Variants in ANKS1B observed in about 807,000 individuals in gnomAD.
ANKS1B encodes ankyrin repeat and sterile alpha motif domain containing 1B.
ANKS1B carries 36 observed loss-of-function variants against 148.3 expected under a neutral mutation model. That is an observed-to-expected ratio of 0.24 (90% CI 0.19 to 0.32). The LOEUF (loss-of-function observed/expected upper bound fraction) is 0.32, where lower values mean the gene tolerates loss of function less well. Among genes scored for constraint, ANKS1B ranks in the 10% least tolerant of loss-of-function variants. The pLI, the probability that ANKS1B is intolerant of heterozygous loss-of-function variation, is 1.00. For missense variants in ANKS1B, 1,157 were observed against 1,542.6 expected, an observed-to-expected ratio of 0.75 and a Z score of 4.19; for synonymous variants, 542 against 560.8, an observed-to-expected ratio of 0.97 and a Z score of 0.47.
intron 17 of ANKS1B, among the ~76,000 whole-genome samples, chr12:98,922,606 C>T (rs1300940909): frequency 2.0e-5 from 3 of 152,150 alleles, no homozygotes; most frequent in African/African-American, 7.2e-5. Context: ...TCAAGCGATT[C>T]TCCTGCCTCA....
rs565563558 is a variant in ANKS1B at position 99,977,475 on chromosome 12, A to G, written c.134+6629T>C. On this transcript the variant is annotated intron_variant, in intron 1 of 26. Transcript: ENST00000683438. ...GATCCCATCTCTTCATACTGTCACA[A>G]TGACAAATAAATTTCAACATGAGTT... is the stretch of plus-strand genomic sequence containing the variant. Among the ~76,000 whole-genome samples, 15 of 152,334 alleles carry G rather than the reference A, an allele frequency of 9.8e-5. No homozygotes were observed. In the South Asian group the frequency reaches 2.7e-3, roughly 27 times the overall value.
chr12:99,953,594 A>G (rs2095265439), intron 1 of ANKS1B, among the ~76,000 whole-genome samples: 1 of 96,152 alleles, frequency 1.0e-5, no homozygotes, highest in African/African-American at 3.1e-5. Flanking sequence ...TTGTTTAAGG[A>G]AAAAAAAAAA....
chr12:99,476,395 A>C (rs553649335), intron 10 of ANKS1B, among the ~76,000 whole-genome samples: 374 of 152,308 alleles, frequency 2.5e-3, no homozygotes, highest in Non-Finnish European at 3.9e-3. Flanking sequence ...TGTCTCAAAA[A>C]TAAAATAATA....
Position 99,642,499 on chromosome 12 carries a change from G to A in ANKS1B, c.1272+12568C>T, listed in dbSNP as rs185896002. Among the ~76,000 whole-genome samples, 8 of 152,288 alleles carry A rather than the reference G, an allele frequency of 5.3e-5. No individual in the cohort carries two copies. In the East Asian group the frequency reaches 1.4e-3, roughly 26 times the overall value. ...CAGGGCTAAAATTAAGGTGTTAGCA[G>A]GGCTGGTTACTTCTGGAGGCTCTAA... is the stretch of plus-strand genomic sequence containing the variant. On this transcript the variant is annotated intron_variant, in intron 9 of 26. Transcript: ENST00000683438.
intron 17 of ANKS1B, among the ~76,000 whole-genome samples, chr12:98,866,280 C>A (rs1034207790): frequency 6.6e-6 from 1 of 152,234 alleles, no homozygotes; most frequent in East Asian, 1.9e-4. Context: ...GAATCTCCAA[C>A]TGTCCATCTC....
At chr12:99,576,535 T>C (rs988077030) in intron 9 of ANKS1B, among the ~76,000 whole-genome samples, 1 of 152,012 alleles carries the variant, frequency 6.6e-6, no homozygotes, top group Non-Finnish European at 1.5e-5. Context: ...CCAATCACAC[T>C]CTTGGACCAC....
chr12:99,443,862 A>T, intron 10 of ANKS1B, 53 bp from the exon 11 acceptor site: 1 of 1,536,712 alleles, frequency 6.5e-7, no homozygotes, highest in Admixed American at 2.2e-5. Context: ...TTACCTTTTA[A>T]GACTTGAAAT....
intron 8 of ANKS1B, among the ~76,000 whole-genome samples, chr12:99,660,303 A>G (rs1485794792): frequency 6.6e-6 from 1 of 151,888 alleles, no homozygotes; most frequent in East Asian, 1.9e-4. Context: ...CGATAAATTC[A>G]TAAATGAGAA....
At chr12:99,830,464 T>G (rs1392951880) in intron 1 of ANKS1B, among the ~76,000 whole-genome samples, 1 of 151,750 alleles carries the variant, frequency 6.6e-6, no homozygotes, top group East Asian at 1.9e-4. Flanking sequence ...GGAAAAAAAA[T>G]TGTGAAACAA....
At chr12:99,897,379 T>C (rs1391572191) in intron 1 of ANKS1B, among the ~76,000 whole-genome samples, 2 of 151,238 alleles carry the variant, frequency 1.3e-5, no homozygotes, top group African/African-American at 4.8e-5. Context: ...TGTGTATCTC[T>C]CAAATGCATC....
At chr12:99,475,718 A>G (rs920966997) in intron 10 of ANKS1B, among the ~76,000 whole-genome samples, 2 of 151,920 alleles carry the variant, frequency 1.3e-5, no homozygotes, top group Non-Finnish European at 2.9e-5. Context: ...TAGTTAAAAA[A>G]AGAATGCCTG....
chr12:99,442,184 T>C (rs1369285416), intron 11 of ANKS1B, among the ~76,000 whole-genome samples: 1 of 151,754 alleles, frequency 6.6e-6, no homozygotes, highest in Non-Finnish European at 1.5e-5. Context: ...CCCCATCAAA[T>C]TTCCTTGAAA....
intron 17 of ANKS1B, among the ~76,000 whole-genome samples, chr12:98,880,955 T>C (rs540131175): frequency 6.6e-6 from 1 of 152,254 alleles, no homozygotes; most frequent in Non-Finnish European, 1.5e-5. Flanking sequence ...AAAAAAAATT[T>C]TGAATGGCAA....
At chr12:99,284,753 A>G (rs1166047831) in intron 12 of ANKS1B, among the ~76,000 whole-genome samples, 1 of 152,154 alleles carries the variant, frequency 6.6e-6, no homozygotes, top group African/African-American at 2.4e-5. Flanking sequence ...ATGGCTCCCT[A>G]TAGTACTTGG....
At position 98,781,346 on chromosome 12, in the gene ANKS1B, G is replaced by C. The variant is rs188758677; in HGVS notation, c.3355-143C>G. On this transcript the variant is annotated intron_variant, in intron 23 of 26. Transcript: ENST00000683438. The stretch of plus-strand genomic sequence containing the variant: ...CACACACACACACACACACACATCA[G>C]ATACACACCACGCACACTCTAATTT... 2.6e-4 allele frequency: 181 copies of C among 683,162 alleles called. 1 individual carries two copies. In the African/African-American group the frequency reaches 2.8e-3, roughly 11 times the overall value. The allele number at this position is 683,162 out of a possible 1,614,324, so 42.3% of individuals were successfully genotyped here. A position where few individuals can be genotyped will look rare whatever the true frequency, so the allele number is the denominator to read the frequency against.
chr12:99,510,234 GATTA>G (rs2096751120), intron 9 of ANKS1B, among the ~76,000 whole-genome samples: 1 of 151,934 alleles, frequency 6.6e-6, no homozygotes, highest in Admixed American at 6.6e-5. Flanking sequence ...ATAGATCAAG[GATTA>G]ATTTAGAGTC....
intron 8 of ANKS1B, among the ~76,000 whole-genome samples, chr12:99,670,918 G>A (rs545752769): frequency 6.6e-6 from 1 of 152,070 alleles, no homozygotes; most frequent in African/African-American, 2.4e-5. Context: ...AATAAATCAG[G>A]GCTCTATTAT....
chr12:98,959,570 G>C (rs926226670), intron 17 of ANKS1B, among the ~76,000 whole-genome samples: 1 of 152,158 alleles, frequency 6.6e-6, no homozygotes, highest in African/African-American at 2.4e-5. Context: ...CCTCCCCACA[G>C]GAACACCAAA....
intron 9 of ANKS1B, among the ~76,000 whole-genome samples, chr12:99,554,398 A>G (rs1011947520): frequency 2.0e-5 from 3 of 152,222 alleles, no homozygotes; most frequent in Non-Finnish European, 4.4e-5. Context: ...GTTAGTATCT[A>G]AAGAGTCTGT....
Sources: allele counts gnomAD v4.1 joint callset (sites outside exome capture counted in the v4.1 genomes callset), GRCh38; gene constraint gnomAD v4.1.1; transcripts MANE v1.5; gene names NCBI Gene and HGNC (gene_info 2026-07-23, HGNC 2026-07-21).